ANKRD26: variants seen among roughly 807,000 people sequenced by gnomAD.
The protein encoded by ANKRD26 is ankyrin repeat domain 26, also known as ankyrin repeat domain-containing protein 26.
Under a neutral mutation model 208.7 loss-of-function variants are expected in ANKRD26, and 141 were observed. The ratio of observed to expected loss-of-function variants is 0.68; its 90% confidence interval spans 0.59 to 0.78. ANKRD26 has a LOEUF of 0.78. ANKRD26 is among the 30% of genes least tolerant of loss of function. The pLI is 0.00. For synonymous variants in ANKRD26, 636 were observed against 660.4 expected (o/e 0.96, Z 0.57); for missense variants, 1,889 against 1,938.7 (o/e 0.97, Z 0.48).
At chr10:27,091,039 G>A (rs967836915) in intron 4 of ANKRD26, among the ~76,000 whole-genome samples, 2 of 151,894 alleles carry the variant, frequency 1.3e-5, no homozygotes, top group African/African-American at 4.8e-5. Context: ...GAGGTTGCAG[G>A]GAGCCAACAT....
intron 9 of ANKRD26, among the ~76,000 whole-genome samples, chr10:27,076,008 C>T (rs186820195): frequency 5.3e-5 from 8 of 152,116 alleles, no homozygotes; most frequent in Admixed American, 5.2e-4. Context: ...CTCCTGATTT[C>T]GGAGTTAATA....
chr10:26,951,331 T>C, the ANKRD26 span, among the ~76,000 whole-genome samples: 1 of 152,170 alleles, frequency 6.6e-6, no homozygotes, highest in Admixed American at 6.5e-5. Flanking sequence ...CATGTTGGGG[T>C]ACTTACGTTA....
chr10:26,965,907 G>T, the ANKRD26 span, among the ~76,000 whole-genome samples: 2 of 152,138 alleles, frequency 1.3e-5, no homozygotes, highest in Admixed American at 1.3e-4. Context: ...GACCATCAGA[G>T]AAATCCAAAT....
intron 11 of ANKRD26, 56 bp downstream of exon 11, chr10:27,066,431 T>TTTAACATCAC: frequency 7.3e-7 from 1 of 1,378,670 alleles, no homozygotes; most frequent in East Asian, 2.3e-5. Context: ...CTCTTTATGT[T>TTTAACATCAC]TTAACATCAC....
At chr10:27,046,574 GAAAC>G in intron 17 of ANKRD26, 51 bp from the exon 18 acceptor site, 2 of 1,548,220 alleles carry the variant, frequency 1.3e-6, no homozygotes, top group African/African-American at 1.4e-5. Context: ...AAGAAAAAAA[GAAAC>G]AACATGCAGA....
At chr10:27,012,742 A>G in intron 32 of ANKRD26, 140 bp downstream of exon 32, 1 of 737,676 alleles carries the variant, frequency 1.4e-6, no homozygotes, top group Non-Finnish European at 2.3e-6. Context: ...GAACCTAGAC[A>G]TAGAGGTTGC....
intron 11 of ANKRD26, chr10:27,066,224 G>A (rs1233580566): frequency 7.4e-6 from 2 of 272,042 alleles, no homozygotes; most frequent in Admixed American, 5.2e-5. Flanking sequence ...GATTCCATGT[G>A]ACTTCTAAGC....
the ANKRD26 span, among the ~76,000 whole-genome samples, chr10:26,950,757 T>TC: frequency 6.6e-6 from 1 of 152,008 alleles, no homozygotes; most frequent in African/African-American, 2.4e-5. Context: ...AAACCTTTTT[T>TC]CTTTATAAAT....
chr10:27,018,898 A>C (rs992103046), intron 29 of ANKRD26, among the ~76,000 whole-genome samples: 3 of 152,228 alleles, frequency 2.0e-5, no homozygotes, highest in Non-Finnish European at 2.9e-5. Flanking sequence ...TAGAAGAGAC[A>C]GGGAAATTGC....
intron 20 of ANKRD26, among the ~76,000 whole-genome samples, chr10:27,042,652 C>T (rs1320921048): frequency 6.6e-6 from 1 of 151,990 alleles, no homozygotes; most frequent in Non-Finnish European, 1.5e-5. Context: ...ACTTGGGAGG[C>T]TGAGGCAGGA....
intron 31 of ANKRD26, among the ~76,000 whole-genome samples, 192 bp from the exon 32 acceptor site, chr10:27,013,302 T>C (rs769326438): frequency 2.6e-5 from 4 of 152,126 alleles, no homozygotes; most frequent in Non-Finnish European, 4.4e-5. Context: ...TCTAAAGAAG[T>C]GCATATGTTT....
chr10:27,091,230 T>C (rs2056289366), intron 4 of ANKRD26, among the ~76,000 whole-genome samples: 1 of 152,202 alleles, frequency 6.6e-6, no homozygotes, highest in Non-Finnish European at 1.5e-5. Context: ...TGAGATATAT[T>C]TAGTATCCCC....
the ANKRD26 span, among the ~76,000 whole-genome samples, chr10:26,968,084 C>T: frequency 6.3e-3 from 955 of 152,270 alleles, 4 homozygotes; most frequent in Non-Finnish European, 8.4e-3. Context: ...TGTCTTCCCA[C>T]GGTCCTCAAG....
chr10:26,981,715 G>C (rs1316170277), intron 4 of ANKRD26, among the ~76,000 whole-genome samples: 1 of 152,192 alleles, frequency 6.6e-6, no homozygotes, highest in Non-Finnish European at 1.5e-5. Flanking sequence ...AGCCAACTTA[G>C]AGGCCTTGTT....
chr10:27,014,003 G>A (rs866502971), intron 31 of ANKRD26, among the ~76,000 whole-genome samples: 22 of 152,218 alleles, frequency 1.4e-4, no homozygotes, highest in African/African-American at 4.3e-4. Flanking sequence ...AAACTATACA[G>A]GGTAGTTTGT....
At chr10:27,050,219 C>CAAAAAAAAAAAAAAAAAAAAAAAAAAAA (rs67384671) in intron 16 of ANKRD26, among the ~76,000 whole-genome samples, 9 of 33,038 alleles carry the variant, frequency 2.7e-4, no homozygotes, top group East Asian at 2.4e-3. Context: ...GAATCTGTCT[C>CAAAAAAAAAAAAAAAAAAAAAAAAAAAA]AAAAAAAAAA....
chr10:26,990,995 G>A (rs1163101569), downstream of ANKRD26, among the ~76,000 whole-genome samples: 4 of 152,186 alleles, frequency 2.6e-5, no homozygotes, highest in Admixed American at 6.5e-5. Context: ...CTCTGCCTGC[G>A]CAGAAGCAGA....
At chr10:27,002,053 G>A (rs1042009527), downstream of ANKRD26, among the ~76,000 whole-genome samples, 7 of 152,122 alleles carry the variant, frequency 4.6e-5, no homozygotes, top group East Asian at 1.9e-4. Flanking sequence ...GCAACCATAC[G>A]GGGGAAAGGA....
intron 28 of ANKRD26, among the ~76,000 whole-genome samples, chr10:27,023,283 A>G (rs927987357): frequency 2.6e-5 from 4 of 152,020 alleles, no homozygotes; most frequent in Non-Finnish European, 4.4e-5. Flanking sequence ...TGGAGGTTGC[A>G]GTGGGCCGAG....
Sources: allele counts gnomAD v4.1 joint callset (sites outside exome capture counted in the v4.1 genomes callset), GRCh38; gene constraint gnomAD v4.1.1; transcripts MANE v1.5; gene names NCBI Gene and HGNC (gene_info 2026-07-23, HGNC 2026-07-21).